LRFN2: variants seen among roughly 807,000 people sequenced by gnomAD.
LRFN2 encodes leucine rich repeat and fibronectin type III domain containing 2.
A neutral mutation model predicts 37.3 loss-of-function variants in LRFN2; 18 were observed. The observed-to-expected ratio is 0.48, with a 90% CI of 0.33 to 0.72. LRFN2 has a LOEUF of 0.72. LRFN2 is among the 30% of genes least tolerant of loss of function. The pLI is 0.02. For missense variants in LRFN2, 1,006 were observed against 1,060.7 expected (o/e 0.95, Z 0.72); for synonymous variants, 556 against 466.6 (o/e 1.19, Z -2.47).
intron 1 of LRFN2, among the ~76,000 whole-genome samples, chr6:40,442,020 A>C (rs1243234116): frequency 6.6e-6 from 1 of 152,140 alleles, no homozygotes; most frequent in Non-Finnish European, 1.5e-5. Context: ...CTTCCCCAGC[A>C]GATCCAAGTG....
chr6:40,423,538 G>C (rs1042763697), intron 2 of LRFN2, among the ~76,000 whole-genome samples: 12 of 152,160 alleles, frequency 7.9e-5, no homozygotes, highest in African/African-American at 2.9e-4. Flanking sequence ...AATAAAGATG[G>C]AGAGCAATAA....
Position 40,392,701 on chromosome 6 carries a change from T to C in LRFN2, c.1612A>G (p.Ile538Val). The C allele has an allele frequency of 6.2e-7, 1 of 1,614,084 alleles. No individual in the cohort carries two copies. The highest frequency in any genetic ancestry group is 1.3e-5 in the African/African-American group (1 of 75,064). ...QILGGTMILV[I>V]GGIIVATLLV... Reference sequence around the variant, plus strand: ...AGCGTGGCCACGATGATGCCCCCGATGACCAGGATCATGGTGCCGCCCAGA... The same window carrying C: ...AGCGTGGCCACGATGATGCCCCCGACGACCAGGATCATGGTGCCGCCCAGA... The change falls in exon 3 of 3, where the codon ATC becomes GTC. Residue 538 changes from isoleucine to valine, a missense_variant. Ile to Val is a conservative substitution (Grantham distance 29, BLOSUM62 3). Coordinates refer to ENST00000338305, the MANE Select transcript of LRFN2 (RefSeq NM_020737.3). This position sits in a 1 kb window ranked among gnomAD's most constrained non-coding sequence, Gnocchi z 4.7.
At chr6:40,514,634 G>T (rs975371696) in intron 1 of LRFN2, among the ~76,000 whole-genome samples, 1 of 152,164 alleles carries the variant, frequency 6.6e-6, no homozygotes, top group Non-Finnish European at 1.5e-5. Context: ...ATGTGACTAG[G>T]TAAATCAGCA....
At chr6:40,540,711 T>C in intron 1 of LRFN2, among the ~76,000 whole-genome samples, 1 of 152,140 alleles carries the variant, frequency 6.6e-6, no homozygotes. Flanking sequence ...TTATTTCCTT[T>C]CCTTCCCCAT....
intron 2 of LRFN2, among the ~76,000 whole-genome samples, chr6:40,419,045 G>A (rs1763159947): frequency 6.6e-6 from 1 of 152,178 alleles, no homozygotes; most frequent in Non-Finnish European, 1.5e-5. Context: ...CAAACTCAAG[G>A]GGCAGGGTCT....
chr6:40,580,063 G>T (rs894898135), intron 1 of LRFN2, among the ~76,000 whole-genome samples: 1 of 152,198 alleles, frequency 6.6e-6, no homozygotes, highest in Non-Finnish European at 1.5e-5. Context: ...GGTGAGGTGG[G>T]CTGAGACTAC....
At chr6:40,439,973 A>C (rs1257968611) in intron 1 of LRFN2, among the ~76,000 whole-genome samples, 1 of 152,194 alleles carries the variant, frequency 6.6e-6, no homozygotes, top group Non-Finnish European at 1.5e-5. Flanking sequence ...AGAAGGTTCT[A>C]GCTTAGTGGC....
intron 1 of LRFN2, among the ~76,000 whole-genome samples, chr6:40,507,463 G>A (rs1264340442): frequency 6.6e-6 from 1 of 152,190 alleles, no homozygotes; most frequent in Non-Finnish European, 1.5e-5. Context: ...TCAGAAACAG[G>A]CTCAGAGAAG....
intron 1 of LRFN2, among the ~76,000 whole-genome samples, chr6:40,580,409 G>A (rs559871150): frequency 2.4e-4 from 36 of 152,218 alleles, no homozygotes; most frequent in African/African-American, 8.4e-4. Context: ...AATCTCCCTG[G>A]TCCTTAGTTT....
intron 2 of LRFN2, among the ~76,000 whole-genome samples, chr6:40,397,671 G>T (rs1762644011): frequency 6.6e-6 from 1 of 152,226 alleles, no homozygotes; most frequent in South Asian, 2.1e-4. Context: ...TGAATGGGCA[G>T]ATGGCACTTC....
Position 40,432,411 on chromosome 6 carries a change from A to C in LRFN2, c.703T>G (p.Leu235Val). The C allele has an allele frequency of 1.9e-6, 3 of 1,614,154 alleles. No individual in the cohort carries two copies. The highest frequency in any genetic ancestry group is 2.5e-6 in the Non-Finnish European group (3 of 1,180,032). ...ALTATPFAPP[L>V]SFSFGGNPLH... ...GGGTTACCCCCAAAACTAAAGGACA[A>C]GGGTGGGGCAAAGGGTGTGGCTGTC... Residue 235 changes from leucine (L) to valine (V), a missense_variant, in exon 2 of 3, where the codon TTG (leucine) becomes GTG (valine). Physicochemically the swap from Leu to Val is conservative, Grantham distance 32. Around this residue, in one of 4 missense-constraint regions of LRFN2, gnomAD observed 303 missense variants for 299.8 expected, o/e 1.01. Transcript: ENST00000338305.
At chr6:40,442,507 G>C (rs1266362207) in intron 1 of LRFN2, among the ~76,000 whole-genome samples, 1 of 152,060 alleles carries the variant, frequency 6.6e-6, no homozygotes, top group African/African-American at 2.4e-5. Flanking sequence ...ACAGGGCTGA[G>C]TCTCCCCTCA....
At chr6:40,468,377 T>C (rs1764520568) in intron 1 of LRFN2, among the ~76,000 whole-genome samples, 1 of 151,902 alleles carries the variant, frequency 6.6e-6, no homozygotes, top group Non-Finnish European at 1.5e-5. Context: ...AAAAACATGA[T>C]AAGAAAGGGA....
At chr6:40,526,608 T>C (rs1766259284) in intron 1 of LRFN2, among the ~76,000 whole-genome samples, 1 of 152,198 alleles carries the variant, frequency 6.6e-6, no homozygotes, top group Admixed American at 6.5e-5. Flanking sequence ...CTGTCCACTG[T>C]GAGGGCTAGG....
chr6:40,520,817 C>T (rs567287146), intron 1 of LRFN2, among the ~76,000 whole-genome samples: 191 of 152,222 alleles, frequency 1.3e-3, no homozygotes, highest in Non-Finnish European at 2.4e-3. Flanking sequence ...GATGCTTGGC[C>T]GTGAATGTAG....
At chr6:40,532,841 C>T (rs1429355761) in intron 1 of LRFN2, among the ~76,000 whole-genome samples, 2 of 152,316 alleles carry the variant, frequency 1.3e-5, no homozygotes, top group Non-Finnish European at 2.9e-5. Context: ...GAGCCCCCAG[C>T]AGGTGGGTAC....
At chr6:40,446,709 G>A (rs906416529) in intron 1 of LRFN2, among the ~76,000 whole-genome samples, 3 of 152,264 alleles carry the variant, frequency 2.0e-5, no homozygotes. Context: ...CACAGAGGAA[G>A]ACACACAATT....
At chr6:40,553,476 C>G (rs903538367) in intron 1 of LRFN2, among the ~76,000 whole-genome samples, 1 of 152,156 alleles carries the variant, frequency 6.6e-6, no homozygotes, top group African/African-American at 2.4e-5. Context: ...GCTGAGCAAA[C>G]ACCAAGTTCA....
intron 1 of LRFN2, among the ~76,000 whole-genome samples, chr6:40,433,514 A>ATGGATGGG (rs1763566562): frequency 6.6e-6 from 1 of 152,100 alleles, no homozygotes; most frequent in Non-Finnish European, 1.5e-5. Context: ...GGATGGATGG[A>ATGGATGGG]TGGATGGGTG....
Sources: gnomAD v4.1 joint callset for allele counts (sites outside exome capture counted in the v4.1 genomes callset) on GRCh38, gnomAD v4.1.1 for gene constraint, gnomAD v4.1.1 regional missense constraint, Gnocchi (gnomAD v3.1) non-coding constraint, MANE v1.5 for transcripts, NCBI Gene and HGNC (gene_info 2026-07-23, HGNC 2026-07-21) for gene names.